ROCK2: variants seen among roughly 807,000 people sequenced by gnomAD.
The protein encoded by ROCK2 is Rho associated coiled-coil containing protein kinase 2.
ROCK2 carries 61 observed loss-of-function variants against 195.1 expected under a neutral mutation model. The observed-to-expected ratio is 0.31, with a 90% CI of 0.25 to 0.39. The LOEUF is 0.39. ROCK2 is among the 10% of genes least tolerant of loss of function. The pLI is 1.00. For synonymous variants in ROCK2, 504 were observed against 545.5 expected (o/e 0.92, Z 1.06); for missense variants, 1,109 against 1,637.4 (o/e 0.68, Z 5.57).
chr2:11,335,111 AC>A (rs1668887217), intron 1 of ROCK2, among the ~76,000 whole-genome samples: 5 of 6,490 alleles, frequency 7.7e-4, no homozygotes, highest in South Asian at 8.5e-3. Flanking sequence ...TGACTGATAC[AC>A]ACACACACAC....
intron 17 of ROCK2, among the ~76,000 whole-genome samples, chr2:11,212,341 A>C (rs2148061283): frequency 6.6e-6 from 1 of 152,234 alleles, no homozygotes; most frequent in Middle Eastern, 3.4e-3. Context: ...CCAACAGTCT[A>C]CACCACCACT....
At chr2:11,255,216 C>CAAAAAAAAAAA (rs70953375) in intron 3 of ROCK2, among the ~76,000 whole-genome samples, 3 of 109,214 alleles carry the variant, frequency 2.7e-5, no homozygotes, top group African/African-American at 1.3e-4. Context: ...GACCCCATCT[C>CAAAAAAAAAAA]AAAAAAAAAA....
intron 3 of ROCK2, 35 bp from the exon 4 acceptor site, chr2:11,249,833 T>C (rs1449914357): frequency 8.4e-6 from 12 of 1,424,442 alleles, no homozygotes; most frequent in Non-Finnish European, 1.1e-5. Flanking sequence ...ATTAATACTT[T>C]CATGTTATGA....
chr2:11,226,805 G>A (rs1356213417), intron 6 of ROCK2, among the ~76,000 whole-genome samples: 1 of 150,550 alleles, frequency 6.6e-6, no homozygotes, highest in Non-Finnish European at 1.5e-5. Flanking sequence ...CTAGCTACTC[G>A]GGAGGCAAAA....
chr2:11,286,528 C>G lies in ROCK2; in HGVS notation c.324+11G>C, dbSNP rs1667199620. On this transcript the variant is annotated intron_variant, in intron 3 of 32. Coordinates refer to ENST00000315872, the MANE Select transcript of ROCK2 (RefSeq NM_004850.5). ...GTCATAGAGAACAATAAGAACAAAA[C>G]ACTTTCTTACCAACTGCACTTCACC... 1 of 1,529,388 alleles carries G rather than the reference C, an allele frequency of 6.5e-7. No homozygotes were observed. Among genetic ancestry groups the G allele is most frequent in the South Asian group, 1.1e-5 (1 of 89,070 alleles). The allele number at this position is 1,529,388 out of a possible 1,614,324, so 94.7% of individuals were successfully genotyped here.
intron 3 of ROCK2, among the ~76,000 whole-genome samples, chr2:11,264,164 C>G (rs1666335511): frequency 6.6e-6 from 1 of 152,052 alleles, no homozygotes; most frequent in African/African-American, 2.4e-5. Context: ...ATGTAATAAG[C>G]AGAGTCCTGA....
chr2:11,309,158 T>C (rs1667956030), intron 1 of ROCK2, among the ~76,000 whole-genome samples: 1 of 149,348 alleles, frequency 6.7e-6, no homozygotes, highest in Non-Finnish European at 1.5e-5. Flanking sequence ...ATTGTAGCTT[T>C]TGAAACATGT....
Position 11,234,741 on chromosome 2 carries a change from G to T in ROCK2, c.723+961C>A, listed in dbSNP as rs533371325. Reference sequence around the variant, plus strand: ...ATGACATTAAAGAATGATCAGTCAGGTCAGGATTATCAGAAGGAACCTTAA... The same window carrying T: ...ATGACATTAAAGAATGATCAGTCAGTTCAGGATTATCAGAAGGAACCTTAA... On this transcript the variant is annotated intron_variant, in intron 5 of 32. Transcript: ENST00000315872. 4.6e-5 allele frequency: 7 copies of T among 152,176 alleles called. No homozygotes were observed. In the East Asian group the frequency reaches 1.4e-3, roughly 29 times the overall value. The allele number at this position is 152,176 out of a possible 1,614,324, so 9.4% of individuals were successfully genotyped here. A position where few individuals can be genotyped will look rare whatever the true frequency, so the allele number is the denominator to read the frequency against.
At chr2:11,246,402 C>A in intron 4 of ROCK2, among the ~76,000 whole-genome samples, 1 of 151,486 alleles carries the variant, frequency 6.6e-6, no homozygotes, top group Admixed American at 6.6e-5. Context: ...TTTTTTAATG[C>A]CAAAACTAAA....
chr2:11,184,552 C>A, intron 32 of ROCK2: 1 of 794,060 alleles, frequency 1.3e-6, no homozygotes, highest in Non-Finnish European at 1.5e-6. Context: ...CTACTTTTAA[C>A]TATATACTAT....
At chr2:11,227,721 G>A (rs950168398) in intron 5 of ROCK2, among the ~76,000 whole-genome samples, 1 of 152,124 alleles carries the variant, frequency 6.6e-6, no homozygotes, top group Non-Finnish European at 1.5e-5. Flanking sequence ...CTACAGTTAT[G>A]AGGTTAGTAC....
chr2:11,217,475 C>T, intron 11 of ROCK2: 1 of 409,094 alleles, frequency 2.4e-6, no homozygotes, highest in Non-Finnish European at 4.6e-6. Flanking sequence ...AGAATACCAC[C>T]TCAGATATCT....
At chr2:11,338,265 T>G (rs1294058873) in intron 1 of ROCK2, among the ~76,000 whole-genome samples, 1 of 152,090 alleles carries the variant, frequency 6.6e-6, no homozygotes, top group East Asian at 1.9e-4. Context: ...GAAGGATCAT[T>G]GAGACCAGGA....
chr2:11,280,614 A>G (rs1290525078), intron 3 of ROCK2, among the ~76,000 whole-genome samples: 1 of 152,182 alleles, frequency 6.6e-6, no homozygotes, highest in African/African-American at 2.4e-5. Context: ...TGGGCAATAG[A>G]GCAAGAACTT....
At chr2:11,273,699 G>A (rs1666727683) in intron 3 of ROCK2, among the ~76,000 whole-genome samples, 1 of 151,894 alleles carries the variant, frequency 6.6e-6, no homozygotes, top group African/African-American at 2.4e-5. Flanking sequence ...AGTGCACATG[G>A]GACATTTTCC....
At chr2:11,244,591 C>A (rs866031692) in intron 4 of ROCK2, among the ~76,000 whole-genome samples, 1 of 151,464 alleles carries the variant, frequency 6.6e-6, no homozygotes, top group Non-Finnish European at 1.5e-5. Context: ...CATAGTGAGA[C>A]CCCAATCTTT....
At position 11,219,001 on chromosome 2, in the gene ROCK2, T is replaced by C; in HGVS notation, c.1285A>G (p.Arg429Gly). The C allele has an allele frequency of 6.8e-7, 1 of 1,474,454 alleles. No individual in the cohort carries two copies. Among genetic ancestry groups the C allele is most frequent in the Middle Eastern group, 1.8e-4 (1 of 5,448 alleles). The allele number at this position is 1,474,454 out of a possible 1,614,324, so 91.3% of individuals were successfully genotyped here. ...CTTGATTGTATGGAATCAGTTTCTCTACAAGATGGAGAGTCACTTAATAAT... is the reference window on the plus strand; with the variant it reads ...CTTGATTGTATGGAATCAGTTTCTCCACAAGATGGAGAGTCACTTAATAAT... ...NLLLSDSPSC[R>G]ETDSIQSRKN... is the part of the protein sequence containing the mutation. The change falls in exon 10 of 33, where the codon AGA (arginine) becomes GGA (glycine). Residue 429 changes from arginine to glycine, a missense_variant. By Grantham distance (125) the Arg-to-Gly change is moderately radical. Transcript: ENST00000315872.
chr2:11,241,544 T>C lies in ROCK2; in HGVS notation c.463-5582A>G, dbSNP rs1056347664. 2.6e-5 allele frequency among the ~76,000 whole-genome samples: 4 copies of C among 152,174 alleles called. No individual in the cohort carries two copies. In the East Asian group the frequency reaches 5.8e-4, roughly 22 times the overall value. ...AAGGTAAGCCAAGCTAATTAAAGTA[T>C]TGTGTTACTGGTGGCAAGAACAGAT... On this transcript the variant is annotated intron_variant, in intron 4 of 32. Coordinates refer to ENST00000315872, the MANE Select transcript of ROCK2 (RefSeq NM_004850.5).
At chr2:11,206,041 G>A (rs1279421669) in intron 20 of ROCK2, among the ~76,000 whole-genome samples, 1 of 151,838 alleles carries the variant, frequency 6.6e-6, no homozygotes, top group Non-Finnish European at 1.5e-5. Flanking sequence ...CCCAGGAAGG[G>A]AAGGTTGCAG....
Sources: allele counts gnomAD v4.1 joint callset (sites outside exome capture counted in the v4.1 genomes callset), GRCh38; gene constraint gnomAD v4.1.1; transcripts MANE v1.5; gene names NCBI Gene and HGNC (gene_info 2026-07-23, HGNC 2026-07-21).